The following TRPM3 variants were observed in gnomAD, a reference collection of about 807,000 sequenced individuals.
TRPM3 encodes long transient receptor potential channel 3.
In TRPM3, 77 loss-of-function variants were observed where a neutral mutation model predicts 181.2. That is an observed-to-expected ratio of 0.42 (90% CI 0.35 to 0.51). The LOEUF (loss-of-function observed/expected upper bound fraction) is 0.51, where lower values mean the gene tolerates loss of function less well. TRPM3 is among the 20% of genes least tolerant of loss of function. The pLI is 0.01. For missense variants in TRPM3, 1,759 were observed against 2,196.7 expected (o/e 0.80, Z 3.98); for synonymous variants, 745 against 796.4 (o/e 0.94, Z 1.09).
intron 1 of TRPM3, among the ~76,000 whole-genome samples, chr9:71,055,663 T>G (rs752020116): frequency 1.2e-4 from 19 of 152,038 alleles, no homozygotes; most frequent in Non-Finnish European, 1.9e-4. Context: ...GAATTGGTGA[T>G]GTAGACAGAA....
In TRPM3 at chr9:70,592,823, C is replaced by T. The variant is rs138140376; in HGVS notation, c.3049-1618G>A. ...TCGGCTCACTGCAACCTCAGCCTCC[C>T]GGGTTTAAGCAATTGTCTGCCTCAG... On this transcript the variant is annotated intron_variant, in intron 21 of 25. Transcript: ENST00000677713. Among the ~76,000 whole-genome samples the T allele has an allele frequency of 2.6e-3, 402 of 152,190 alleles. 1 individual carries two copies. Among genetic ancestry groups the T allele is most frequent in the Non-Finnish European group, 4.5e-3 (308 of 68,002 alleles).
Position 70,846,319 on chromosome 9 carries a change from A to G in TRPM3, c.676+59T>C, listed in dbSNP as rs1171720095. ...AAATAATTAATCTTAGCAGAAAATT[A>G]CATCAGGCACAACATTCCCATGGCC... is the stretch of plus-strand genomic sequence containing the variant. On this transcript the variant is annotated intron_variant, in intron 4 of 25. Coordinates refer to ENST00000677713, the MANE Select transcript of TRPM3 (RefSeq NM_001366145.2). 5 of 1,497,566 alleles carry G rather than the reference A, an allele frequency of 3.3e-6. No individual in the cohort carries two copies. The East Asian group carries it at 1.1e-4, about 34-fold the overall frequency. The allele number at this position is 1,497,566 out of a possible 1,614,324, so 92.8% of individuals were successfully genotyped here. A position where few individuals can be genotyped will look rare whatever the true frequency, so the allele number is the denominator to read the frequency against.
intron 1 of TRPM3, among the ~76,000 whole-genome samples, chr9:70,959,805 T>G (rs1308989162): frequency 1.3e-5 from 2 of 152,182 alleles, no homozygotes; most frequent in Non-Finnish European, 2.9e-5. Context: ...TTTCTCAAAG[T>G]GAACATCAAC....
At chr9:71,027,352 T>C (rs967309269) in intron 1 of TRPM3, among the ~76,000 whole-genome samples, 2 of 152,166 alleles carry the variant, frequency 1.3e-5, no homozygotes, top group African/African-American at 4.8e-5. Context: ...TGAAGGAACG[T>C]CTGCCTACAA....
At chr9:70,912,760 C>T (rs1040754057) in intron 1 of TRPM3, among the ~76,000 whole-genome samples, 2 of 152,156 alleles carry the variant, frequency 1.3e-5, no homozygotes, top group Non-Finnish European at 2.9e-5. Context: ...GAAACCAACA[C>T]TCTGGCAGGC....
chr9:70,613,419 G>A (rs1184986159), intron 18 of TRPM3, among the ~76,000 whole-genome samples: 1 of 152,182 alleles, frequency 6.6e-6, no homozygotes, highest in Non-Finnish European at 1.5e-5. Flanking sequence ...GTTTTGGAAG[G>A]GCCAAAGGAA....
At chr9:71,411,032 G>A (rs2093538651) in intron 1 of TRPM3, among the ~76,000 whole-genome samples, 1 of 152,054 alleles carries the variant, frequency 6.6e-6, no homozygotes, top group Non-Finnish European at 1.5e-5. Context: ...TGTAGAAAAG[G>A]CCTTTGACAA....
intron 9 of TRPM3, among the ~76,000 whole-genome samples, chr9:70,653,049 C>A (rs1022192361): frequency 6.6e-6 from 1 of 151,908 alleles, no homozygotes; most frequent in Non-Finnish European, 1.5e-5. Context: ...GGGGAAAAGC[C>A]CTCGGAAAGG....
intron 22 of TRPM3, among the ~76,000 whole-genome samples, chr9:70,563,746 G>A (rs4745016): frequency 0.54 from 82,772 of 151,970 alleles, 22,822 homozygotes; most frequent in East Asian, 0.73. Flanking sequence ...GAGCAAGAGA[G>A]AAAGAGAGAA....
At chr9:70,890,427 A>T (rs1447863609) in intron 1 of TRPM3, among the ~76,000 whole-genome samples, 1 of 152,092 alleles carries the variant, frequency 6.6e-6, no homozygotes. Context: ...TGATATAAGA[A>T]AAACTTCCAG....
chr9:70,793,472 AT>A (rs1564321163), intron 6 of TRPM3: 16,961 of 105,214 alleles, frequency 0.16, 1,243 homozygotes, highest in East Asian at 0.26. Context: ...AAAAAAAAAT[AT>A]ATATATATAT....
At chr9:70,998,848 G>C (rs2097570740) in intron 1 of TRPM3, among the ~76,000 whole-genome samples, 1 of 152,098 alleles carries the variant, frequency 6.6e-6, no homozygotes, top group Non-Finnish European at 1.5e-5. Flanking sequence ...TTGTAATAAT[G>C]GTCTTTATGT....
intron 1 of TRPM3, among the ~76,000 whole-genome samples, chr9:71,360,295 G>A (rs1017334917): frequency 6.6e-6 from 1 of 152,084 alleles, no homozygotes; most frequent in Non-Finnish European, 1.5e-5. Context: ...CCTTGAACGA[G>A]TCTCTACCAT....
At chr9:70,592,200 T>TTTCTACAC (rs1408651016) in intron 21 of TRPM3, among the ~76,000 whole-genome samples, 2 of 152,180 alleles carry the variant, frequency 1.3e-5, no homozygotes, top group African/African-American at 4.8e-5. Flanking sequence ...TTCTACCCAG[T>TTTCTACAC]ATGGCCACAA....
intron 6 of TRPM3, among the ~76,000 whole-genome samples, chr9:70,784,749 A>G (rs1564275131): frequency 6.6e-6 from 1 of 152,182 alleles, no homozygotes; most frequent in Non-Finnish European, 1.5e-5. Context: ...AAATCCCTAC[A>G]TGGCTCTTTT....
At position 70,625,094 on chromosome 9, in the gene TRPM3, C is replaced by G; in HGVS notation, c.1809+97G>C. ...TTAGGTTCACTCTCAGCGCAATTTT[C>G]TGATTTTAATTCCCCTTGGAGACAA... On this transcript the variant is annotated intron_variant, in intron 14 of 25. Transcript: ENST00000677713. The surrounding 1 kb of genome is among the most constrained non-coding windows in gnomAD (Gnocchi z 4.8). 1 of 1,393,606 alleles carries G rather than the reference C, an allele frequency of 7.2e-7. No homozygotes were observed. The highest frequency in any genetic ancestry group is 2.3e-4 in the Middle Eastern group (1 of 4,294). The allele number at this position is 1,393,606 out of a possible 1,614,324, so 86.3% of individuals were successfully genotyped here. A position where few individuals can be genotyped will look rare whatever the true frequency, so the allele number is the denominator to read the frequency against.
At chr9:71,205,399 CTTGT>C (rs928996076) in intron 1 of TRPM3, among the ~76,000 whole-genome samples, 4 of 152,088 alleles carry the variant, frequency 2.6e-5, no homozygotes, top group Non-Finnish European at 4.4e-5. Context: ...CCACTCTAAA[CTTGT>C]TTGAGTTTTA....
chr9:70,743,041 T>A (rs1043995658), intron 8 of TRPM3, among the ~76,000 whole-genome samples: 1 of 152,122 alleles, frequency 6.6e-6, no homozygotes, highest in Non-Finnish European at 1.5e-5. Flanking sequence ...GGAGGGTGGA[T>A]AGAGATGGAG....
intron 1 of TRPM3, among the ~76,000 whole-genome samples, chr9:71,262,166 G>A (rs894062322): frequency 6.6e-6 from 1 of 152,208 alleles, no homozygotes; most frequent in African/African-American, 2.4e-5. Flanking sequence ...TAAGCTCCTG[G>A]TGATACCCAG....
Sources: allele counts gnomAD v4.1 joint callset (sites outside exome capture counted in the v4.1 genomes callset), GRCh38; gene constraint gnomAD v4.1.1; non-coding constraint Gnocchi (gnomAD v3.1); transcripts MANE v1.5; gene names NCBI Gene and HGNC (gene_info 2026-07-23, HGNC 2026-07-21).